The following FRMD6 variants were observed in gnomAD, a reference collection of about 807,000 sequenced individuals.
The protein encoded by FRMD6 is FERM domain containing 6.
Under a neutral mutation model 73.2 loss-of-function variants are expected in FRMD6, and 37 were observed. The ratio of observed to expected loss-of-function variants is 0.51; its 90% CI spans 0.39 to 0.66. The LOEUF (loss-of-function observed/expected upper bound fraction) is 0.66. Ranked by LOEUF, FRMD6 falls within the 30% of genes least tolerant of loss-of-function variation. The pLI is 0.00. For synonymous variants in FRMD6, 273 were observed against 282.2 expected, an observed-to-expected ratio of 0.97 and a Z score of 0.33; for missense variants, 714 against 780.5, an observed-to-expected ratio of 0.91 and a Z score of 1.02.
At chr14:51,610,338 T>TAAAA (rs5808625) in intron 2 of FRMD6, among the ~76,000 whole-genome samples, 41 of 142,370 alleles carry the variant, frequency 2.9e-4, no homozygotes, top group Non-Finnish European at 5.1e-4. Context: ...CCTTTTTTTT[T>TAAAA]AAAAAAAAAA....
intron 1 of FRMD6, among the ~76,000 whole-genome samples, chr14:51,676,143 G>A (rs1894373380): frequency 6.6e-6 from 1 of 151,868 alleles, no homozygotes; most frequent in Non-Finnish European, 1.5e-5. Flanking sequence ...TTAAGGAAAA[G>A]CACACCACGG....
At chr14:51,557,275 T>C (rs908990498) in intron 1 of FRMD6, among the ~76,000 whole-genome samples, 3 of 148,860 alleles carry the variant, frequency 2.0e-5, no homozygotes, top group Non-Finnish European at 3.0e-5. Flanking sequence ...TATACACACA[T>C]ACATACATAC....
At chr14:51,570,748 G>A (rs1187466468) in intron 2 of FRMD6, among the ~76,000 whole-genome samples, 2 of 152,214 alleles carry the variant, frequency 1.3e-5, no homozygotes, top group African/African-American at 2.4e-5. Flanking sequence ...CAAAGGAATA[G>A]AAAATATCTC....
At chr14:51,415,854 A>G in the FRMD6 span, among the ~76,000 whole-genome samples, 5 of 152,174 alleles carry the variant, frequency 3.3e-5, no homozygotes, top group Admixed American at 3.3e-4. Context: ...CTATTCAGAG[A>G]TTCAACTTCT....
chr14:51,578,718 G>A (rs1022351903), intron 2 of FRMD6, among the ~76,000 whole-genome samples: 6 of 152,146 alleles, frequency 3.9e-5, no homozygotes, highest in African/African-American at 1.4e-4. Flanking sequence ...AAGATATTAT[G>A]ATCCCCAATT....
At chr14:51,546,262 G>A (rs955220937) in intron 1 of FRMD6, among the ~76,000 whole-genome samples, 1 of 152,064 alleles carries the variant, frequency 6.6e-6, no homozygotes, top group Non-Finnish European at 1.5e-5. Flanking sequence ...ATTAGGCCAT[G>A]AGTGCTCGGT....
chr14:51,404,613 T>C, the FRMD6 span, among the ~76,000 whole-genome samples: 2 of 152,188 alleles, frequency 1.3e-5, no homozygotes, highest in Non-Finnish European at 2.9e-5. Flanking sequence ...TTGTTTTCCT[T>C]ATGGATAACC....
intron 1 of FRMD6, among the ~76,000 whole-genome samples, chr14:51,550,929 T>C (rs1161269184): frequency 1.3e-5 from 2 of 152,204 alleles, no homozygotes; most frequent in Admixed American, 6.5e-5. Context: ...CCCCGTTTGC[T>C]GGTCCCGGGT....
the FRMD6 span, among the ~76,000 whole-genome samples, chr14:51,437,325 T>C: frequency 2.0e-5 from 3 of 152,174 alleles, no homozygotes; most frequent in East Asian, 3.9e-4. Flanking sequence ...CCTTTTGGGA[T>C]GGAGTCTCGC....
chr14:51,713,400 A>G (rs1897058196), intron 9 of FRMD6, among the ~76,000 whole-genome samples: 1 of 151,164 alleles, frequency 6.6e-6, no homozygotes, highest in South Asian at 2.1e-4. Flanking sequence ...GATGGTTGCC[A>G]TGAGCCAAGA....
chr14:51,417,143 C>T, the FRMD6 span, among the ~76,000 whole-genome samples: 2 of 152,100 alleles, frequency 1.3e-5, no homozygotes, highest in African/African-American at 2.4e-5. Flanking sequence ...AGGCATTTAG[C>T]CCATTTACAT....
chr14:51,443,818 C>T, the FRMD6 span, among the ~76,000 whole-genome samples: 1 of 152,162 alleles, frequency 6.6e-6, no homozygotes. Context: ...AATGCCAGAA[C>T]AAGGCTTATC....
intron 2 of FRMD6, among the ~76,000 whole-genome samples, chr14:51,644,411 T>TCC (rs1891969157): frequency 7.1e-6 from 1 of 141,622 alleles, no homozygotes; most frequent in East Asian, 2.0e-4. Flanking sequence ...TCTCTCTCTC[T>TCC]CTCCCTCCCT....
At chr14:51,446,743 C>G in the FRMD6 span, among the ~76,000 whole-genome samples, 1 of 152,132 alleles carries the variant, frequency 6.6e-6, no homozygotes, top group Non-Finnish European at 1.5e-5. Flanking sequence ...GAAATAAAAC[C>G]TGTGATTGGG....
intron 1 of FRMD6, among the ~76,000 whole-genome samples, chr14:51,491,686 C>A (rs774655526): frequency 2.6e-5 from 4 of 152,178 alleles, no homozygotes; most frequent in Non-Finnish European, 4.4e-5. Context: ...GACGCTTAGC[C>A]TTTTCTCTGC....
chr14:51,496,210 C>A (rs1170168924), intron 1 of FRMD6, among the ~76,000 whole-genome samples: 1 of 152,146 alleles, frequency 6.6e-6, no homozygotes, highest in African/African-American at 2.4e-5. Flanking sequence ...CAGCAGAATC[C>A]CAAACCACAC....
At chr14:51,611,386 C>T (rs1302149534) in intron 2 of FRMD6, among the ~76,000 whole-genome samples, 2 of 152,130 alleles carry the variant, frequency 1.3e-5, no homozygotes, top group Non-Finnish European at 2.9e-5. Context: ...TTCCTTCTTC[C>T]ATGGCTCTTG....
At chr14:51,586,688 T>C (rs1216536735) in intron 2 of FRMD6, among the ~76,000 whole-genome samples, 1 of 152,104 alleles carries the variant, frequency 6.6e-6, no homozygotes, top group Non-Finnish European at 1.5e-5. Flanking sequence ...GGTTTTCTTC[T>C]AGGATTTTTA....
chr14:51,569,507 C>CTTTTTTTTTTTTTTTTTTT (rs34661155), intron 1 of FRMD6, among the ~76,000 whole-genome samples: 15 of 122,786 alleles, frequency 1.2e-4, no homozygotes, highest in Non-Finnish European at 1.7e-4. Flanking sequence ...TTCTTTCTTT[C>CTTTTTTTTTTTTTTTTTTT]TTTTTTTTTT....
Sources: gnomAD v4.1 joint callset for allele counts (sites outside exome capture counted in the v4.1 genomes callset) on GRCh38, gnomAD v4.1.1 for gene constraint, MANE v1.5 for transcripts, NCBI Gene and HGNC (gene_info 2026-07-23, HGNC 2026-07-21) for gene names.